The following KDM4B variants were observed in gnomAD, a reference collection of about 807,000 sequenced individuals.
KDM4B encodes the protein lysine demethylase 4B.
KDM4B carries 32 observed loss-of-function variants against 125.2 expected under a neutral mutation model. The observed-to-expected ratio is 0.26, with a 90% CI of 0.19 to 0.34. KDM4B has a LOEUF of 0.34. KDM4B is among the 10% of genes least tolerant of loss of function. KDM4B has a pLI of 1.00. For synonymous variants in KDM4B, 721 were observed against 677.9 expected (o/e 1.06, Z -0.99); for missense variants, 1,190 against 1,577.7 (o/e 0.75, Z 4.16).
At chr19:5,123,395 T>G (rs1406042909) in intron 11 of KDM4B, among the ~76,000 whole-genome samples, 1 of 152,212 alleles carries the variant, frequency 6.6e-6, no homozygotes, top group South Asian at 2.1e-4. Context: ...CACCTTTGTG[T>G]TCCCGTGTTC....
chr19:5,042,904 C>T (rs1046899134), intron 5 of KDM4B, among the ~76,000 whole-genome samples: 10 of 150,528 alleles, frequency 6.6e-5, no homozygotes, highest in African/African-American at 2.4e-4. Flanking sequence ...ACTTTACACA[C>T]GTAGCTTGAA....
Position 5,115,961 on chromosome 19 carries a change from T to C in KDM4B, c.1116-3692T>C, listed in dbSNP as rs1447410002. Among the ~76,000 whole-genome samples the C allele has an allele frequency of 2.6e-5, 4 of 152,138 alleles. No homozygotes were observed. The highest frequency in any genetic ancestry group is 9.7e-5 in the African/African-American group (4 of 41,428). Reference sequence around the variant, plus strand: ...AAAGTGTCCCGGGACCCAAAGGCTTTGCATTTCCAGGTTAAAAAGTCCACC... The same window carrying C: ...AAAGTGTCCCGGGACCCAAAGGCTTCGCATTTCCAGGTTAAAAAGTCCACC... On this transcript the variant is annotated intron_variant, in intron 10 of 22. Transcript: ENST00000159111. This position sits in a 1 kb window ranked among gnomAD's most constrained non-coding sequence, Gnocchi z 4.2.
At chr19:5,048,097 T>A (rs1002343236) in intron 6 of KDM4B, among the ~76,000 whole-genome samples, 2 of 152,278 alleles carry the variant, frequency 1.3e-5, no homozygotes, top group African/African-American at 4.8e-5. Context: ...CCTCGCAGTC[T>A]CCGCCCTGGC....
In KDM4B at chr19:5,152,115, G is replaced by GC. The variant is rs1555724175; in HGVS notation, c.*604_*605insC. ...GTAATTGGAGGGTGAGCCTCGGGGG[G>GC]GGGGCAGGACGCCCCGGTTTCGGCA... On this transcript the variant is annotated 3_prime_UTR_variant, in exon 23 of 23. Transcript: ENST00000159111. 6.7e-6 allele frequency: 1 copy of GC among 149,442 alleles called. No homozygotes were observed. The highest frequency in any genetic ancestry group is 6.6e-5 in the Admixed American group (1 of 15,182). 9.3% of individuals were successfully genotyped at this position (149,442 alleles called of 1,614,324 possible).
At chr19:5,111,108 T>C (rs2039135271) in intron 10 of KDM4B, among the ~76,000 whole-genome samples, 1 of 152,096 alleles carries the variant, frequency 6.6e-6, no homozygotes, top group Admixed American at 6.5e-5. Context: ...CTCCCTGTCA[T>C]GTCCCCGCCA....
chr19:5,151,303 G>T (rs368035244), intron 22 of KDM4B, 32 bp from the exon 23 acceptor site: 7 of 1,477,946 alleles, frequency 4.7e-6, no homozygotes, highest in East Asian at 2.6e-5. Context: ...TGTCTCCACC[G>T]TGCTAACCAC....
chr19:5,148,114 TG>T (rs1191126614), intron 21 of KDM4B, among the ~76,000 whole-genome samples: 3 of 152,244 alleles, frequency 2.0e-5, no homozygotes, highest in Non-Finnish European at 4.4e-5. Flanking sequence ...GAGATGCTTC[TG>T]AGACGTGCCG....
chr19:5,041,753 C>T (rs1412141094), intron 5 of KDM4B, among the ~76,000 whole-genome samples: 5 of 152,248 alleles, frequency 3.3e-5, no homozygotes, highest in Admixed American at 1.3e-4. Context: ...GGCAGCTGGC[C>T]GGCATCCCCA....
chr19:5,021,514 A>AAGCTT (rs1203003797), intron 2 of KDM4B, among the ~76,000 whole-genome samples: 4 of 152,132 alleles, frequency 2.6e-5, no homozygotes, highest in Non-Finnish European at 5.9e-5. Flanking sequence ...TCCAGGCTGC[A>AAGCTT]GTGAGCTGTG....
chr19:5,132,049 C>T (rs773803542), intron 13 of KDM4B, 42 bp downstream of exon 13: 2 of 1,535,564 alleles, frequency 1.3e-6, no homozygotes, highest in South Asian at 1.2e-5. Flanking sequence ...CAGCCCTGCT[C>T]CGCGCTCTGC....
chr19:4,999,770 C>T (rs1334591654), intron 1 of KDM4B, among the ~76,000 whole-genome samples: 1 of 144,702 alleles, frequency 6.9e-6, no homozygotes, highest in East Asian at 2.2e-4. Context: ...TCCATCCATC[C>T]ACCCACCCAC....
intron 2 of KDM4B, among the ~76,000 whole-genome samples, chr19:5,020,829 G>A (rs191189441): frequency 1.3e-5 from 2 of 152,304 alleles, no homozygotes; most frequent in African/African-American, 4.8e-5. Flanking sequence ...ACACGGATAG[G>A]TGTCAGCTGG....
chr19:5,094,527 C>T (rs1372945312), intron 9 of KDM4B, among the ~76,000 whole-genome samples: 11 of 152,034 alleles, frequency 7.2e-5, no homozygotes, highest in East Asian at 5.8e-4. Flanking sequence ...CGTGGATGGC[C>T]GCCGTCTAGA....
chr19:5,013,235 C>A (rs1434660117), intron 1 of KDM4B, among the ~76,000 whole-genome samples: 1 of 152,190 alleles, frequency 6.6e-6, no homozygotes, highest in Non-Finnish European at 1.5e-5. Flanking sequence ...GCCCGTCGTG[C>A]AGCGGGGGAG....
intron 1 of KDM4B, among the ~76,000 whole-genome samples, chr19:4,994,020 G>GTT (rs55641886): frequency 0.059 from 3,924 of 66,518 alleles, 137 homozygotes; most frequent in Middle Eastern, 0.097. Flanking sequence ...TTTTCAGCCT[G>GTT]TTTTTTTTTT....
chr19:5,138,824 C>A (rs1599261251), intron 18 of KDM4B, among the ~76,000 whole-genome samples: 1 of 152,238 alleles, frequency 6.6e-6, no homozygotes, highest in Non-Finnish European at 1.5e-5. Flanking sequence ...AGCAGCAGCT[C>A]CCTCCGCCCA....
At chr19:5,064,682 G>T (rs769183709) in intron 6 of KDM4B, among the ~76,000 whole-genome samples, 30 of 152,322 alleles carry the variant, frequency 2.0e-4, no homozygotes, top group Non-Finnish European at 3.7e-4. Flanking sequence ...TGCCAGGCAG[G>T]GGCCACTGCC....
At chr19:4,981,312 C>A (rs1163000725) in intron 1 of KDM4B, among the ~76,000 whole-genome samples, 1 of 152,130 alleles carries the variant, frequency 6.6e-6, no homozygotes, top group Admixed American at 6.5e-5. Context: ...GTCCTGTCCC[C>A]CTCGTCCTGT....
Position 5,142,740 on chromosome 19 carries a change from G to A in KDM4B, c.2551-1227G>A, listed in dbSNP as rs1006882286. ...GGAGGCCGTGCTGGAGTGATGCCTG[G>A]CGCGTGTTGTGTGATGGGAGAATTG... On this transcript the variant is annotated intron_variant, in intron 18 of 22. Coordinates refer to ENST00000159111, the MANE Select transcript of KDM4B (RefSeq NM_015015.3). The surrounding 1 kb of genome is among the most constrained non-coding windows in gnomAD (Gnocchi z 5.4). 2.0e-5 allele frequency among the ~76,000 whole-genome samples: 3 copies of A among 152,110 alleles called. No homozygotes were observed. The highest frequency in any genetic ancestry group is 4.1e-4 in the South Asian group (2 of 4,826).
Sources: gnomAD v4.1 joint callset for allele counts (sites outside exome capture counted in the v4.1 genomes callset) on GRCh38, gnomAD v4.1.1 for gene constraint, Gnocchi (gnomAD v3.1) non-coding constraint, MANE v1.5 for transcripts, NCBI Gene and HGNC (gene_info 2026-07-23, HGNC 2026-07-21) for gene names.